Variants in KLF8 observed in about 807,000 individuals in gnomAD.
The protein encoded by KLF8 is Krueppel-like factor 8.
In KLF8, 10 loss-of-function variants were observed where a neutral mutation model predicts 18.2. The observed-to-expected ratio is 0.55, with a 90% CI of 0.34 to 0.93. The LOEUF is 0.93. Among genes scored for constraint, KLF8 ranks in the 40% least tolerant of loss-of-function variants. The pLI is 0.02. For synonymous variants in KLF8, 109 were observed against 97.3 expected, an observed-to-expected ratio of 1.12 and a Z score of -0.71; for missense variants, 264 against 277.9, an observed-to-expected ratio of 0.95 and a Z score of 0.36.
At chrX:56,011,747 G>A in the KLF8 span, among the ~76,000 whole-genome samples, 1 of 111,074 alleles carries the variant, frequency 9.0e-6, no homozygotes, top group Non-Finnish European at 1.9e-5. Context: ...GAATGAAATA[G>A]ACACAATAAA....
the KLF8 span, among the ~76,000 whole-genome samples, chrX:56,177,654 C>A: frequency 8.9e-6 from 1 of 111,750 alleles, no homozygotes; most frequent in African/African-American, 3.3e-5. Context: ...TTTAAGTCTG[C>A]AGAGGACTCT....
the KLF8 span, among the ~76,000 whole-genome samples, chrX:55,913,877 G>A: frequency 8.9e-6 from 1 of 111,867 alleles, no homozygotes; most frequent in Non-Finnish European, 1.9e-5. Flanking sequence ...TCTTGTGGTG[G>A]TAATACATAT....
At chrX:56,243,047 T>C (rs2066568811) in intron 1 of KLF8, 2 of 514,551 alleles carry the variant, frequency 3.9e-6, no homozygotes, top group Non-Finnish European at 7.1e-6. Context: ...ATTTGCCACA[T>C]CAGTATCATA....
At chrX:56,051,130 C>T in the KLF8 span, among the ~76,000 whole-genome samples, 1 of 111,072 alleles carries the variant, frequency 9.0e-6, no homozygotes, top group African/African-American at 3.3e-5. Context: ...GGTAGATCTT[C>T]CTCCATCCTT....
chrX:56,287,231 A>G lies in KLF8; in HGVS notation c.*2737A>G, dbSNP rs1487786463. 3 of 111,880 alleles carry G rather than the reference A, an allele frequency of 2.7e-5. No individual in the cohort carries two copies. Among genetic ancestry groups the G allele is most frequent in the Non-Finnish European group, 5.6e-5 (3 of 53,171 alleles). 9.2% of individuals were successfully genotyped at this position (111,880 alleles called of 1,213,427 possible). A position where few individuals can be genotyped will look rare whatever the true frequency, so the allele number is the denominator to read the frequency against. ...GTTAATTGCCTATAGTAAAGAAGCA[A>G]TTTTAAGCCTATTCTCATTTCCCTC... On this transcript the variant is annotated 3_prime_UTR_variant, in exon 6 of 6. Transcript: ENST00000468660.
the KLF8 span, among the ~76,000 whole-genome samples, chrX:56,209,143 G>T: frequency 9.0e-6 from 1 of 111,229 alleles, no homozygotes; most frequent in Non-Finnish European, 1.9e-5. Flanking sequence ...TGTCGTGTTG[G>T]GTGCAAATGT....
the KLF8 span, among the ~76,000 whole-genome samples, chrX:56,093,733 T>A: frequency 9.0e-6 from 1 of 110,837 alleles, no homozygotes; most frequent in South Asian, 3.7e-4. Context: ...CAACAAAATA[T>A]TTAATAATTA....
At chrX:56,058,289 T>C in the KLF8 span, among the ~76,000 whole-genome samples, 354 of 25,146 alleles carry the variant, frequency 0.014, 5 homozygotes, top group East Asian at 0.035. Flanking sequence ...CATATATATA[T>C]ATATATATAT....
the KLF8 span, among the ~76,000 whole-genome samples, chrX:56,170,842 A>T: frequency 8.1e-5 from 9 of 111,641 alleles, no homozygotes; most frequent in Non-Finnish European, 1.3e-4. Flanking sequence ...GCTATAGAAC[A>T]CCAAGCAAAT....
chrX:56,200,123 C>T, the KLF8 span, among the ~76,000 whole-genome samples: 4 of 110,787 alleles, frequency 3.6e-5, no homozygotes, highest in South Asian at 1.5e-3. Context: ...AGGAGAAATA[C>T]CTAATGTAAA....
the KLF8 span, among the ~76,000 whole-genome samples, chrX:56,195,106 A>C: frequency 8.9e-6 from 1 of 112,472 alleles, no homozygotes; most frequent in Non-Finnish European, 1.9e-5. Context: ...AAAGGTAGAT[A>C]AAACCACAAA....
At chrX:56,179,436 A>G in the KLF8 span, among the ~76,000 whole-genome samples, 4 of 112,395 alleles carry the variant, frequency 3.6e-5, no homozygotes, top group African/African-American at 1.3e-4. Context: ...GTCATCTGCA[A>G]ACAGGGACAA....
chrX:56,256,732 T>G (rs1040542256), intron 2 of KLF8, among the ~76,000 whole-genome samples: 1 of 112,217 alleles, frequency 8.9e-6, no homozygotes, highest in Non-Finnish European at 1.9e-5. Flanking sequence ...TGACAGAGTT[T>G]CACTGTTGTT....
In KLF8 at chrX:56,286,028, A is replaced by G. The variant is rs958777100; in HGVS notation, c.*1534A>G. On this transcript the variant is annotated 3_prime_UTR_variant, in exon 6 of 6. Coordinates refer to ENST00000468660, the MANE Select transcript of KLF8 (RefSeq NM_007250.5). ...CTAGCACCAAGAAGGGATCCCGTTA[A>G]CCATCTAGTCCTATCCATCCCTCAT... The G allele has an allele frequency of 9.0e-6, 1 of 111,503 alleles. No homozygotes were observed. The highest frequency in any genetic ancestry group is 1.9e-5 in the Non-Finnish European group (1 of 53,122). The allele number at this position is 111,503 out of a possible 1,213,427, so 9.2% of individuals were successfully genotyped here. A position where few individuals can be genotyped will look rare whatever the true frequency, so the allele number is the denominator to read the frequency against.
the KLF8 span, among the ~76,000 whole-genome samples, chrX:56,181,414 T>G: frequency 2.7e-5 from 3 of 111,953 alleles, no homozygotes; most frequent in African/African-American, 9.7e-5. Flanking sequence ...TGACTCTTTA[T>G]CCAATTTGCC....
At chrX:56,272,906 C>CA (rs1569189932) in intron 5 of KLF8, among the ~76,000 whole-genome samples, 1 of 111,319 alleles carries the variant, frequency 9.0e-6, no homozygotes, top group Non-Finnish European at 1.9e-5. Flanking sequence ...AAAGGCCCTA[C>CA]AGGATCTTGC....
the KLF8 span, among the ~76,000 whole-genome samples, chrX:56,018,620 A>G: frequency 6.3e-5 from 7 of 111,197 alleles, no homozygotes; most frequent in African/African-American, 2.3e-4. Context: ...TTTATTATAT[A>G]ATACATGTTA....
At chrX:56,156,528 G>A in the KLF8 span, among the ~76,000 whole-genome samples, 1 of 110,049 alleles carries the variant, frequency 9.1e-6, no homozygotes, top group Non-Finnish European at 1.9e-5. Flanking sequence ...AAGGATAATG[G>A]CCTCCAGCTC....
intron 5 of KLF8, among the ~76,000 whole-genome samples, chrX:56,275,516 G>A (rs1340492565): frequency 9.0e-6 from 1 of 111,223 alleles, no homozygotes; most frequent in Non-Finnish European, 1.9e-5. Context: ...GACTCCTCTA[G>A]GTAGGACTTC....
Sources: gnomAD v4.1 joint callset for allele counts (sites outside exome capture counted in the v4.1 genomes callset) on GRCh38, gnomAD v4.1.1 for gene constraint, MANE v1.5 for transcripts, NCBI Gene and HGNC (gene_info 2026-07-23, HGNC 2026-07-21) for gene names.